SNTG1: variants seen among roughly 807,000 people sequenced by gnomAD.
The protein encoded by SNTG1 is syntrophin gamma 1.
Under a neutral mutation model 74.7 loss-of-function variants are expected in SNTG1, and 39 were observed. That is an observed-to-expected ratio of 0.52 (90% CI 0.40 to 0.68). The LOEUF (loss-of-function observed/expected upper bound fraction) is 0.68, where lower values mean the gene tolerates loss of function less well. SNTG1 is among the 30% of genes least tolerant of loss of function. The pLI is 0.00. For missense variants in SNTG1, 685 were observed against 609.5 expected (o/e 1.12, Z -1.30); for synonymous variants, 254 against 217.1 (o/e 1.17, Z -1.49).
intron 2 of SNTG1, among the ~76,000 whole-genome samples, chr8:50,376,756 T>TATATAG (rs1381048539): frequency 1.3e-4 from 12 of 89,964 alleles, no homozygotes; most frequent in African/African-American, 4.1e-4. Flanking sequence ...TATATATATA[T>TATATAG]AGAGAGAGAG....
intron 2 of SNTG1, among the ~76,000 whole-genome samples, chr8:50,195,726 T>G (rs190551851): frequency 3.3e-5 from 5 of 152,184 alleles, no homozygotes; most frequent in Admixed American, 3.3e-4. Flanking sequence ...CCACTGGGGG[T>G]GTGTGTTCTG....
intron 17 of SNTG1, among the ~76,000 whole-genome samples, chr8:50,732,064 G>A (rs1346520817): frequency 6.6e-6 from 1 of 151,848 alleles, no homozygotes; most frequent in Non-Finnish European, 1.5e-5. Context: ...AAGGATTCAT[G>A]CTTCATATTC....
intron 12 of SNTG1, among the ~76,000 whole-genome samples, chr8:50,582,276 A>T (rs1402352688): frequency 1.3e-5 from 2 of 152,154 alleles, no homozygotes; most frequent in Non-Finnish European, 2.9e-5. Context: ...TCATTCAACA[A>T]ATATTAATTG....
intron 1 of SNTG1, among the ~76,000 whole-genome samples, chr8:49,912,983 T>A (rs1458383806): frequency 6.6e-6 from 1 of 152,220 alleles, no homozygotes; most frequent in Admixed American, 6.5e-5. Context: ...CGAAAAACCA[T>A]AAACTTTAAA....
At chr8:50,715,707 A>T (rs1256794290) in intron 17 of SNTG1, among the ~76,000 whole-genome samples, 4 of 152,184 alleles carry the variant, frequency 2.6e-5, no homozygotes, top group African/African-American at 9.6e-5. Flanking sequence ...ACCCACTCAC[A>T]TGTATATTGA....
At chr8:50,537,237 A>T (rs1372905200) in intron 11 of SNTG1, among the ~76,000 whole-genome samples, 1 of 151,966 alleles carries the variant, frequency 6.6e-6, no homozygotes, top group East Asian at 1.9e-4. Flanking sequence ...TGATCCTCCC[A>T]CTTCAGCCTC....
At chr8:50,063,375 T>C (rs897466497) in intron 1 of SNTG1, among the ~76,000 whole-genome samples, 2 of 152,232 alleles carry the variant, frequency 1.3e-5, no homozygotes, top group Admixed American at 1.3e-4. Flanking sequence ...ATGTATCTTC[T>C]ATCAAAAGAC....
intron 13 of SNTG1, among the ~76,000 whole-genome samples, chr8:50,651,384 CT>C (rs1423735355): frequency 5.9e-5 from 9 of 152,100 alleles, no homozygotes; most frequent in African/African-American, 2.2e-4. Flanking sequence ...CAAGGTTAGC[CT>C]TTGTTGAATC....
chr8:50,705,391 C>T (rs1585596931), intron 16 of SNTG1, among the ~76,000 whole-genome samples: 1 of 152,132 alleles, frequency 6.6e-6, no homozygotes, highest in Admixed American at 6.6e-5. Flanking sequence ...AAAGCAATTA[C>T]ATTTTTACAT....
intron 13 of SNTG1, among the ~76,000 whole-genome samples, chr8:50,623,611 CT>C (rs1489761874): frequency 6.6e-6 from 1 of 152,020 alleles, no homozygotes; most frequent in Non-Finnish European, 1.5e-5. Flanking sequence ...AACTATTATT[CT>C]TCACATCAAT....
At chr8:49,993,742 C>A (rs1437899693) in intron 1 of SNTG1, among the ~76,000 whole-genome samples, 2 of 152,090 alleles carry the variant, frequency 1.3e-5, no homozygotes, top group Non-Finnish European at 2.9e-5. Context: ...TGAACTCATT[C>A]TTTTTTATGG....
At chr8:50,349,950 C>T (rs758243370) in intron 2 of SNTG1, among the ~76,000 whole-genome samples, 16 of 152,216 alleles carry the variant, frequency 1.1e-4, no homozygotes, top group African/African-American at 1.9e-4. Flanking sequence ...AGGGCTGCAC[C>T]GCGTGCTTAT....
chr8:50,504,164 T>C (rs1449260316), intron 9 of SNTG1, among the ~76,000 whole-genome samples: 4 of 152,154 alleles, frequency 2.6e-5, no homozygotes, highest in African/African-American at 9.7e-5. Flanking sequence ...GTCCCTGCAG[T>C]GGACATGATC....
At chr8:50,764,146 T>A (rs1274473191) in intron 18 of SNTG1, among the ~76,000 whole-genome samples, 2 of 151,880 alleles carry the variant, frequency 1.3e-5, no homozygotes, top group Non-Finnish European at 2.9e-5. Context: ...GAAATTGGGT[T>A]CTTATCTAAC....
In SNTG1 at chr8:50,021,638, C is replaced by T. The variant is rs1162299881; in HGVS notation, c.-103+109407C>T. Reference sequence around the variant, plus strand: ...ACAAATAACCCTTATCAAGCATCTTCTGCTGGACACTGTATGTGGGGCATG... The same window carrying T: ...ACAAATAACCCTTATCAAGCATCTTTTGCTGGACACTGTATGTGGGGCATG... On this transcript the variant is annotated intron_variant, in intron 1 of 18. Coordinates refer to ENST00000642720, the MANE Select transcript of SNTG1 (RefSeq NM_018967.5). 2.0e-5 allele frequency among the ~76,000 whole-genome samples: 3 copies of T among 152,168 alleles called. No individual in the cohort carries two copies. In the East Asian group the frequency reaches 5.8e-4, roughly 30 times the overall value.
chr8:50,093,568 A>AG lies in SNTG1; in HGVS notation c.-102-78993_-102-78992insG, dbSNP rs2079821003. Among the ~76,000 whole-genome samples, 6 of 152,204 alleles carry AG rather than the reference A, an allele frequency of 3.9e-5. No homozygotes were observed. In the South Asian group the frequency reaches 1.2e-3, roughly 32 times the overall value. On this transcript the variant is annotated intron_variant, in intron 1 of 18. Transcript: ENST00000642720. ...CATTTTAGGGCTGGACTAGAACTTC[A>AG]TTCCTGCCTGAAGTTCTTTCCTACA... is the stretch of plus-strand genomic sequence containing the variant.
intron 1 of SNTG1, among the ~76,000 whole-genome samples, chr8:50,101,169 C>A (rs10096871): frequency 0.23 from 35,296 of 151,896 alleles, 4,171 homozygotes; most frequent in South Asian, 0.38. Context: ...ATTTTCCTTA[C>A]GCAATCCATC....
At chr8:50,372,119 C>CACTTTTCATCCTTTTT (rs2092283007) in intron 2 of SNTG1, among the ~76,000 whole-genome samples, 3 of 151,846 alleles carry the variant, frequency 2.0e-5, no homozygotes, top group Admixed American at 6.6e-5. Flanking sequence ...CAACTCTTTT[C>CACTTTTCATCCTTTTT]ATTTTTCATC....
At chr8:50,152,790 G>A (rs1161673389) in intron 1 of SNTG1, among the ~76,000 whole-genome samples, 6 of 152,168 alleles carry the variant, frequency 3.9e-5, no homozygotes, top group Non-Finnish European at 8.8e-5. Context: ...AGTCTGATGG[G>A]TTTCCCTTTG....
Sources: gnomAD v4.1 joint callset for allele counts (sites outside exome capture counted in the v4.1 genomes callset) on GRCh38, gnomAD v4.1.1 for gene constraint, MANE v1.5 for transcripts, NCBI Gene and HGNC (gene_info 2026-07-23, HGNC 2026-07-21) for gene names.